PRMT3: variants seen among roughly 807,000 people sequenced by gnomAD.
The protein encoded by PRMT3 is protein arginine N-methyltransferase 3.
A neutral mutation model predicts 71.9 loss-of-function variants in PRMT3; 62 were observed. The ratio of observed to expected loss-of-function variants is 0.86; its 90% CI spans 0.70 to 1.07. The LOEUF (loss-of-function observed/expected upper bound fraction) is 1.07. Ranked by LOEUF, PRMT3 falls within the 50% of genes least tolerant of loss-of-function variation. The pLI, the probability that PRMT3 is intolerant of heterozygous loss-of-function variation, is 0.00. For missense variants in PRMT3, 663 were observed against 643.0 expected (o/e 1.03, Z -0.34); for synonymous variants, 213 against 220.4 (o/e 0.97, Z 0.30).
At chr11:20,479,620 T>TG (rs1850881247) in intron 13 of PRMT3, among the ~76,000 whole-genome samples, 1 of 152,166 alleles carries the variant, frequency 6.6e-6, no homozygotes, top group Non-Finnish European at 1.5e-5. Context: ...GTGTGCCGAA[T>TG]ATAGGTTTGT....
At chr11:20,441,776 C>T (rs1281538417) in intron 10 of PRMT3, among the ~76,000 whole-genome samples, 1 of 147,166 alleles carries the variant, frequency 6.8e-6, no homozygotes, top group Non-Finnish European at 1.5e-5. Context: ...AACCTACCTA[C>T]AATAGTTTCA....
intron 9 of PRMT3, among the ~76,000 whole-genome samples, chr11:20,421,186 C>T (rs1008061856): frequency 9.2e-5 from 14 of 152,096 alleles, no homozygotes; most frequent in Admixed American, 2.6e-4. Flanking sequence ...CACAGGCTCA[C>T]GCCACCGTGC....
At chr11:20,468,644 C>T (rs1193404745) in intron 13 of PRMT3, among the ~76,000 whole-genome samples, 1 of 152,158 alleles carries the variant, frequency 6.6e-6, no homozygotes, top group African/African-American at 2.4e-5. Flanking sequence ...GCTGGGATTA[C>T]AGGCATGAAC....
intron 11 of PRMT3, among the ~76,000 whole-genome samples, chr11:20,456,322 A>G (rs1013134905): frequency 3.9e-5 from 6 of 152,194 alleles, no homozygotes; most frequent in African/African-American, 1.2e-4. Flanking sequence ...GCTTTACTCA[A>G]GGTCACACAG....
chr11:20,418,011 G>A (rs1849346309), intron 9 of PRMT3, among the ~76,000 whole-genome samples: 1 of 152,032 alleles, frequency 6.6e-6, no homozygotes, highest in African/African-American at 2.4e-5. Flanking sequence ...TGTATGCTTC[G>A]TGCAAGATAA....
chr11:20,431,397 A>C (rs1310057549), intron 10 of PRMT3, among the ~76,000 whole-genome samples: 1 of 152,144 alleles, frequency 6.6e-6, no homozygotes, highest in Non-Finnish European at 1.5e-5. Context: ...ATGAGTTAAT[A>C]CATGCAAATT....
At chr11:20,500,845 T>C (rs1851441800) in intron 15 of PRMT3, among the ~76,000 whole-genome samples, 2 of 152,184 alleles carry the variant, frequency 1.3e-5, no homozygotes, top group East Asian at 1.9e-4. Flanking sequence ...TTCGAACACA[T>C]TTTATGTAAG....
chr11:20,462,145 T>C lies in PRMT3; in HGVS notation c.1238T>C (p.Ile413Thr), dbSNP rs780636437. 6.2e-7 allele frequency: 1 copy of C among 1,609,174 alleles called. No homozygotes were observed. The highest frequency in any genetic ancestry group is 8.5e-7 in the Non-Finnish European group (1 of 1,176,752). ...GAAGTTTTAGATCCGAAGACTCTTA[T>C]TTCAGAACCTTGTGGTATTAAGGTA... ...VVEVLDPKTL[I>T]SEPCGIKHID... The change falls in exon 12 of 16, where the codon ATT becomes ACT. Residue 413 changes from isoleucine to threonine, a missense_variant. Coordinates refer to ENST00000331079, the MANE Select transcript of PRMT3 (RefSeq NM_005788.4).
intron 3 of PRMT3, among the ~76,000 whole-genome samples, chr11:20,390,673 A>G (rs1037805364): frequency 2.0e-5 from 3 of 152,256 alleles, no homozygotes; most frequent in African/African-American, 7.2e-5. Context: ...TAGAAGAGCT[A>G]TACTACAATA....
At position 20,461,997 on chromosome 11, in the gene PRMT3, A is replaced by G. The variant is rs764094774; in HGVS notation, c.1090A>G (p.Thr364Ala). 2 of 1,585,618 alleles carry G rather than the reference A, an allele frequency of 1.3e-6. No individual in the cohort carries two copies. Among genetic ancestry groups the G allele is most frequent in the Non-Finnish European group, 8.6e-7 (1 of 1,161,840 alleles). Residue 364 changes from threonine (T) to alanine (A), a missense_variant, in exon 12 of 16, where the codon ACT becomes GCT. Physicochemically the swap from Thr to Ala is moderately conservative, Grantham distance 58. Transcript: ENST00000331079. ...KGGSVYPDIC[T>A]ISLVAVSDVN... ...TGTTACAGTCTACCCTGACATTTGCACTATCAGCCTTGTAGCAGTGAGTGA... is the reference window on the plus strand; with the variant it reads ...TGTTACAGTCTACCCTGACATTTGCGCTATCAGCCTTGTAGCAGTGAGTGA...
intron 11 of PRMT3, among the ~76,000 whole-genome samples, chr11:20,459,759 T>G (rs1565221613): frequency 6.6e-6 from 1 of 152,248 alleles, no homozygotes; most frequent in Non-Finnish European, 1.5e-5. Context: ...TATTTTTTTA[T>G]TCAGTGTTTC....
intron 11 of PRMT3, among the ~76,000 whole-genome samples, chr11:20,459,236 G>C (rs2133397041): frequency 6.6e-6 from 1 of 152,272 alleles, no homozygotes; most frequent in African/African-American, 2.4e-5. Flanking sequence ...ACTTCAGCAA[G>C]ATTTTAAAAG....
At chr11:20,508,174 T>G (rs1344873498) in intron 15 of PRMT3, 130 bp from the exon 16 acceptor site, 1 of 464,198 alleles carries the variant, frequency 2.2e-6, no homozygotes, top group East Asian at 3.9e-5. Flanking sequence ...AAAAAAAGAA[T>G]ATTAACCTTA....
chr11:20,410,562 A>C (rs1467566706), intron 9 of PRMT3, among the ~76,000 whole-genome samples: 1 of 152,128 alleles, frequency 6.6e-6, no homozygotes, highest in African/African-American at 2.4e-5. Context: ...ATATTTAAAA[A>C]TATTATTTAA....
intron 8 of PRMT3, 185 bp from the exon 9 acceptor site, chr11:20,407,726 T>A: frequency 2.1e-6 from 1 of 471,898 alleles, no homozygotes; most frequent in Non-Finnish European, 3.7e-6. Context: ...TGGTGACTCC[T>A]GCCTGTAATC....
Position 20,389,648 on chromosome 11 carries a change from A to C in PRMT3, c.165-96A>C, listed in dbSNP as rs918569821. 2.1e-5 allele frequency: 13 copies of C among 614,144 alleles called. No homozygotes were observed. In the East Asian group the frequency reaches 2.6e-4, roughly 13 times the overall value. 38.0% of individuals were successfully genotyped at this position (614,144 alleles called of 1,614,324 possible). ...ATTGGAAGTAAAACTAGAAACCAGC[A>C]GAGTTAAAAAAAAAAAAAAAGTGTA... is the stretch of plus-strand genomic sequence containing the variant. On this transcript the variant is annotated intron_variant, in intron 2 of 15. Coordinates refer to ENST00000331079, the MANE Select transcript of PRMT3 (RefSeq NM_005788.4).
At chr11:20,450,851 A>G (rs778274727) in intron 10 of PRMT3, among the ~76,000 whole-genome samples, 29 of 152,180 alleles carry the variant, frequency 1.9e-4, no homozygotes, top group Admixed American at 2.0e-4. Flanking sequence ...GTTAAAGAAT[A>G]TTATACTTAC....
At chr11:20,495,315 C>T (rs564828238) in intron 15 of PRMT3, among the ~76,000 whole-genome samples, 36 of 152,138 alleles carry the variant, frequency 2.4e-4, no homozygotes, top group Non-Finnish European at 4.4e-4. Context: ...CGCACCCAGC[C>T]GAGGCCAGTT....
chr11:20,416,842 G>A (rs1483172550), intron 9 of PRMT3, among the ~76,000 whole-genome samples: 1 of 152,060 alleles, frequency 6.6e-6, no homozygotes, highest in Non-Finnish European at 1.5e-5. Context: ...CATGGGATGT[G>A]TGTAAATCTA....
Sources: gnomAD v4.1 joint callset for allele counts (sites outside exome capture counted in the v4.1 genomes callset) on GRCh38, gnomAD v4.1.1 for gene constraint, MANE v1.5 for transcripts, NCBI Gene and HGNC (gene_info 2026-07-23, HGNC 2026-07-21) for gene names.